The following OCLN variants were observed in gnomAD, a reference collection of about 807,000 sequenced individuals.
OCLN encodes phosphatase 1, regulatory subunit 115.
In OCLN, 21 loss-of-function variants were observed where a neutral mutation model predicts 47.9. That is an observed-to-expected ratio of 0.44 (90% CI 0.31 to 0.63). OCLN has a LOEUF of 0.63. Among genes scored for constraint, OCLN ranks in the 30% least tolerant of loss-of-function variants. The pLI, the probability that OCLN is intolerant of heterozygous loss-of-function variation, is 0.08. For synonymous variants in OCLN, 117 were observed against 198.4 expected, an observed-to-expected ratio of 0.59 and a Z score of 3.45; for missense variants, 360 against 571.0, an observed-to-expected ratio of 0.63 and a Z score of 3.77.
intron 4 of OCLN, among the ~76,000 whole-genome samples, chr5:69,531,312 G>T (rs751851918): frequency 2.0e-5 from 3 of 152,144 alleles, no homozygotes; most frequent in Non-Finnish European, 2.9e-5. Context: ...AGGAGGAGGT[G>T]GTGGCACATG....
chr5:69,531,360 A>G (rs1769427855), intron 4 of OCLN, among the ~76,000 whole-genome samples: 1 of 152,188 alleles, frequency 6.6e-6, no homozygotes, highest in African/African-American at 2.4e-5. Context: ...ATAGCTGGCA[A>G]AAGGGGAAGG....
chr5:69,518,207 C>G (rs1173172232), intron 4 of OCLN, among the ~76,000 whole-genome samples: 1 of 152,130 alleles, frequency 6.6e-6, no homozygotes, highest in African/African-American at 2.4e-5. Flanking sequence ...TAATAAAATT[C>G]CTCCTTGAAC....
intron 1 of OCLN, among the ~76,000 whole-genome samples, chr5:69,503,304 G>T (rs1472832098): frequency 6.6e-6 from 1 of 152,080 alleles, no homozygotes; most frequent in Non-Finnish European, 1.5e-5. Flanking sequence ...TCACGAACTG[G>T]CTCCCTGTTT....
chr5:69,492,920 T>C lies in OCLN; in HGVS notation c.-69+20T>C. On this transcript the variant is annotated intron_variant, in intron 1 of 8. Transcript: ENST00000396442. ...GAGCGGGTGAGTGTTGGGCGCGGCG[T>C]CAGGGGCGCACGGGAGCCCGAGGGT... The C allele has an allele frequency of 6.6e-6, 1 of 152,088 alleles. No homozygotes were observed. The highest frequency in any genetic ancestry group is 2.0e-4 in the East Asian group (1 of 5,112). The allele number at this position is 152,088 out of a possible 1,614,324, so 9.4% of individuals were successfully genotyped here.
chr5:69,515,789 T>C (rs1338552874), intron 4 of OCLN, among the ~76,000 whole-genome samples: 1 of 146,070 alleles, frequency 6.8e-6, no homozygotes, highest in African/African-American at 2.6e-5. Context: ...ACGGGGCGGC[T>C]GGGCAGAGAC....
intron 4 of OCLN, among the ~76,000 whole-genome samples, chr5:69,519,071 AAGGCTGC>A (rs1769056325): frequency 6.6e-6 from 1 of 152,138 alleles, no homozygotes; most frequent in African/African-American, 2.4e-5. Context: ...CTGGGAGGTC[AAGGCTGC>A]AGTGAGGCAT....
chr5:69,516,090 G>A (rs1348159416), intron 4 of OCLN, among the ~76,000 whole-genome samples: 2 of 151,662 alleles, frequency 1.3e-5, no homozygotes, highest in Admixed American at 6.6e-5. Context: ...CTTCCCAGAC[G>A]GGGTGGCGGC....
intron 4 of OCLN, among the ~76,000 whole-genome samples, chr5:69,518,171 A>G (rs566635662): frequency 6.6e-6 from 1 of 152,334 alleles, no homozygotes; most frequent in African/African-American, 2.4e-5. Context: ...TGAAAGAACT[A>G]CTTAGCTTTT....
rs1354498443 is a variant in OCLN, at chr5:69,496,869, C to T, written c.-69+3969C>T. On this transcript the variant is annotated intron_variant, in intron 1 of 8. Coordinates refer to ENST00000396442, the MANE Select transcript of OCLN (RefSeq NM_001205254.2). ...CTATCTGCTGCTTCCCTTTTGCCCC[C>T]GACTCTAATTTAGCTGTCTGACTTC... is the stretch of plus-strand genomic sequence containing the variant. Among the ~76,000 whole-genome samples, 8 of 152,144 alleles carry T rather than the reference C, an allele frequency of 5.3e-5. No homozygotes were observed. In the South Asian group the frequency reaches 6.2e-4, roughly 12 times the overall value.
intron 4 of OCLN, among the ~76,000 whole-genome samples, chr5:69,533,509 G>A (rs534971001): frequency 2.0e-5 from 3 of 152,060 alleles, no homozygotes; most frequent in Admixed American, 6.5e-5. Context: ...GTTAGATTAC[G>A]CGGTTTCTGG....
At chr5:69,526,734 C>T (rs924226100) in intron 4 of OCLN, among the ~76,000 whole-genome samples, 1 of 152,208 alleles carries the variant, frequency 6.6e-6, no homozygotes, top group Non-Finnish European at 1.5e-5. Flanking sequence ...CCTTGACAGT[C>T]TTGGAAGCGT....
chr5:69,503,724 G>A (rs1768520542), intron 1 of OCLN, among the ~76,000 whole-genome samples: 1 of 152,030 alleles, frequency 6.6e-6, no homozygotes, highest in Admixed American at 6.6e-5. Flanking sequence ...ACTTGGAAAA[G>A]GAGATAAGGG....
intron 1 of OCLN, among the ~76,000 whole-genome samples, chr5:69,501,491 G>A (rs946377648): frequency 5.3e-5 from 8 of 152,048 alleles, no homozygotes; most frequent in African/African-American, 9.7e-5. Context: ...TTAGCCAGGC[G>A]TGGTGGCATG....
intron 1 of OCLN, among the ~76,000 whole-genome samples, chr5:69,498,601 T>C (rs879495909): frequency 6.6e-6 from 1 of 152,190 alleles, no homozygotes; most frequent in Non-Finnish European, 1.5e-5. Flanking sequence ...CCCATGATAC[T>C]AAAATCTGAG....
chr5:69,497,006 C>T (rs1768311530), intron 1 of OCLN, among the ~76,000 whole-genome samples: 1 of 152,142 alleles, frequency 6.6e-6, no homozygotes, highest in African/African-American at 2.4e-5. Context: ...CTGTGCTGGG[C>T]ATTGGTCCTC....
chr5:69,532,143 T>C (rs1183316216), intron 4 of OCLN, among the ~76,000 whole-genome samples: 5 of 152,190 alleles, frequency 3.3e-5, no homozygotes, highest in Non-Finnish European at 5.9e-5. Context: ...TCCTTTTTTT[T>C]TTCTTTTTTT....
At chr5:69,499,241 T>A (rs907040041) in intron 1 of OCLN, among the ~76,000 whole-genome samples, 5 of 152,102 alleles carry the variant, frequency 3.3e-5, no homozygotes, top group African/African-American at 9.7e-5. Context: ...TGGCTAATTT[T>A]AAGAAAAATT....
chr5:69,513,817 T>G, intron 3 of OCLN, 131 bp from the exon 4 acceptor site: 1 of 815,206 alleles, frequency 1.2e-6, no homozygotes, highest in South Asian at 1.5e-5. Context: ...TTTGCTTCAG[T>G]TTTCTATCAA....
At chr5:69,504,884 G>A (rs557738525) in intron 2 of OCLN, among the ~76,000 whole-genome samples, 77 of 152,230 alleles carry the variant, frequency 5.1e-4, no homozygotes, top group African/African-American at 1.8e-3. Context: ...GAACCCAGGA[G>A]GTGGAGGTTG....
Sources: allele counts gnomAD v4.1 joint callset (sites outside exome capture counted in the v4.1 genomes callset), GRCh38; gene constraint gnomAD v4.1.1; transcripts MANE v1.5; gene names NCBI Gene and HGNC (gene_info 2026-07-23, HGNC 2026-07-21).